HHLA1: variants seen among roughly 807,000 people sequenced by gnomAD.
HHLA1 encodes HERV-H LTR-associating protein 1.
In HHLA1, 72 loss-of-function variants were observed where a neutral mutation model predicts 69.9. That is an observed-to-expected ratio of 1.03 (90% confidence interval 0.85 to 1.25). The LOEUF is 1.25. Among genes scored for constraint, HHLA1 ranks in the 50% most tolerant of loss-of-function variants. HHLA1 has a pLI of 0.00. For synonymous variants in HHLA1, 252 were observed against 233.2 expected (o/e 1.08, Z -0.73); for missense variants, 685 against 642.2 (o/e 1.07, Z -0.72).
intron 7 of HHLA1, among the ~76,000 whole-genome samples, chr8:132,092,470 G>T (rs951863238): frequency 4.6e-5 from 7 of 152,272 alleles, no homozygotes; most frequent in African/African-American, 9.6e-5. Flanking sequence ...GGAGGTGATT[G>T]GATCATGGGG....
intron 14 of HHLA1, 72 bp from the exon 15 acceptor site, chr8:132,071,565 C>T: frequency 7.1e-7 from 1 of 1,418,072 alleles, no homozygotes; most frequent in South Asian, 1.3e-5. Flanking sequence ...TTAAGCCCTG[C>T]ATCAGGTGAA....
intron 12 of HHLA1, among the ~76,000 whole-genome samples, chr8:132,077,250 T>A (rs1420268721): frequency 6.6e-6 from 1 of 152,104 alleles, no homozygotes; most frequent in East Asian, 1.9e-4. Flanking sequence ...AGCACAGCAG[T>A]TCTGGAGGAG....
intron 3 of HHLA1, among the ~76,000 whole-genome samples, chr8:132,103,847 A>G (rs959851426): frequency 6.6e-6 from 1 of 152,224 alleles, no homozygotes; most frequent in African/African-American, 2.4e-5. Flanking sequence ...TACAAAGGTG[A>G]TGATGGCAAG....
chr8:132,064,202 T>C (rs1823397591), intron 16 of HHLA1, among the ~76,000 whole-genome samples, 164 bp from the exon 17 acceptor site: 4 of 152,018 alleles, frequency 2.6e-5, no homozygotes. Context: ...ACTCAGAAGG[T>C]GGAAAAGACT....
intron 1 of HHLA1, 45 bp from the exon 2 acceptor site, chr8:132,105,331 G>A: frequency 1.7e-6 from 2 of 1,203,878 alleles, no homozygotes; most frequent in Non-Finnish European, 2.4e-6. Context: ...GCACATGGAT[G>A]CAGACCTTCC....
intron 7 of HHLA1, among the ~76,000 whole-genome samples, chr8:132,090,853 G>A (rs1292620585): frequency 2.0e-5 from 3 of 151,008 alleles, no homozygotes; most frequent in African/African-American, 7.3e-5. Context: ...CCGCCTCCCA[G>A]GTTCACGCCA....
At chr8:132,079,476 T>C (rs1039264533) in intron 11 of HHLA1, among the ~76,000 whole-genome samples, 5 of 152,190 alleles carry the variant, frequency 3.3e-5, no homozygotes, top group African/African-American at 1.2e-4. Context: ...CTTAAACTAT[T>C]TCAGAATAAA....
At chr8:132,068,686 C>G (rs79028827) in intron 15 of HHLA1, among the ~76,000 whole-genome samples, 1 of 152,312 alleles carries the variant, frequency 6.6e-6, no homozygotes, top group Non-Finnish European at 1.5e-5. Context: ...AAATTCCTAG[C>G]AGACCAGAGC....
chr8:132,070,570 A>G (rs1823515764), intron 15 of HHLA1, among the ~76,000 whole-genome samples: 1 of 152,130 alleles, frequency 6.6e-6, no homozygotes, highest in African/African-American at 2.4e-5. Flanking sequence ...TCTAAACTCA[A>G]CACAATTCAA....
In HHLA1 at chr8:132,080,335, G is replaced by C. The variant is rs141809899; in HGVS notation, c.677-369C>G. 639 of 358,282 alleles carry C rather than the reference G, an allele frequency of 1.8e-3. 1 individual carries two copies. The highest frequency in any genetic ancestry group is 2.6e-3 in the Non-Finnish European group (478 of 182,996). The allele number at this position is 358,282 out of a possible 1,614,324, so 22.2% of individuals were successfully genotyped here. The stretch of plus-strand genomic sequence containing the variant: ...TGCAGGCGGGCTGAGTCCGAAAAGA[G>C]AGTCAGTGAAGGGAGATAAGGGTGG... On this transcript the variant is annotated intron_variant, in intron 10 of 16. Transcript: ENST00000414222.
chr8:132,077,178 C>G (rs1043931413), intron 12 of HHLA1, among the ~76,000 whole-genome samples: 2 of 152,004 alleles, frequency 1.3e-5, no homozygotes, highest in African/African-American at 2.4e-5. Context: ...GAGAAACAGC[C>G]GAGGCACAGG....
chr8:132,089,402 T>C (rs1823909400), intron 8 of HHLA1, 114 bp downstream of exon 8: 1 of 695,682 alleles, frequency 1.4e-6, no homozygotes, highest in Non-Finnish European at 2.6e-6. Context: ...CATGAACGTT[T>C]CTGGCAGCCT....
At chr8:132,071,187 G>A (rs566171689) in intron 15 of HHLA1, among the ~76,000 whole-genome samples, 153 bp downstream of exon 15, 5 of 152,324 alleles carry the variant, frequency 3.3e-5, no homozygotes, top group African/African-American at 1.2e-4. Context: ...GTCTAGTAAA[G>A]GACTCACTGG....
At position 132,077,766 on chromosome 8, in the gene HHLA1, C is replaced by A; in HGVS notation, c.1131G>T (p.Met377Ile). The change falls in exon 12 of 17, where the codon ATG (methionine) becomes ATT (isoleucine). Residue 377 changes from methionine to isoleucine, a missense_variant. Physicochemically the swap from Met to Ile is conservative, Grantham distance 10. Transcript: ENST00000414222. Reference sequence around the variant, plus strand: ...CCTGGGATGGGCTGCCAGGTGTGGCCATTATCTCAGCAGCAGGCGCCAAAA... The same window carrying A: ...CCTGGGATGGGCTGCCAGGTGTGGCAATTATCTCAGCAGCAGGCGCCAAAA... Reference protein sequence around the residue: ...TSLLAPAAEIMATPGSPSQAS... With the variant: ...TSLLAPAAEIIATPGSPSQAS... The A allele has an allele frequency of 6.4e-7, 1 of 1,551,682 alleles. No homozygotes were observed. Among genetic ancestry groups the A allele is most frequent in the South Asian group, 1.2e-5 (1 of 84,056 alleles).
At chr8:132,093,780 A>G (rs984290069) in intron 7 of HHLA1, among the ~76,000 whole-genome samples, 1 of 152,196 alleles carries the variant, frequency 6.6e-6, no homozygotes, top group African/African-American at 2.4e-5. Flanking sequence ...CTCACCCAGC[A>G]CAGACTTCTA....
At chr8:132,087,427 A>T (rs7003013) in intron 10 of HHLA1, among the ~76,000 whole-genome samples, 1 of 152,230 alleles carries the variant, frequency 6.6e-6, no homozygotes, top group South Asian at 2.1e-4. Flanking sequence ...AGTGGCAGTT[A>T]CTCAGCTCCA....
chr8:132,107,297 T>G (rs1257902852), intron 1 of HHLA1, among the ~76,000 whole-genome samples: 1 of 152,106 alleles, frequency 6.6e-6, no homozygotes, highest in Non-Finnish European at 1.5e-5. Flanking sequence ...TAAGATTTAT[T>G]TATTTTTATT....
At chr8:132,088,034 T>C in intron 8 of HHLA1, 133 bp from the exon 9 acceptor site, 1 of 695,456 alleles carries the variant, frequency 1.4e-6, no homozygotes. Context: ...TCTTTACTCT[T>C]AAGGCAGTCC....
rs146829864 is a variant in HHLA1 at position 132,065,478 on chromosome 8, T to C, written c.1552+408A>G. On this transcript the variant is annotated intron_variant, in intron 16 of 16. Transcript: ENST00000414222. ...TTTGTGTTTTTAGTAGAGACGGGGT[T>C]TCACCATGTTAGCCAGGATGGTCTC... Among the ~76,000 whole-genome samples the C allele has an allele frequency of 1.6e-3, 247 of 152,314 alleles. 1 individual carries two copies. The highest frequency in any genetic ancestry group is 5.7e-3 in the African/African-American group (237 of 41,580).
Sources: allele counts gnomAD v4.1 joint callset (sites outside exome capture counted in the v4.1 genomes callset), GRCh38; gene constraint gnomAD v4.1.1; transcripts MANE v1.5; gene names NCBI Gene and HGNC (gene_info 2026-07-23, HGNC 2026-07-21).